Variants in ABAT observed in about 807,000 individuals in gnomAD.
ABAT encodes the protein 4-aminobutyrate aminotransferase, mitochondrial.
In ABAT, 45 loss-of-function variants were observed where a neutral mutation model predicts 64.6. The observed-to-expected ratio is 0.70, with a 90% CI of 0.55 to 0.89. The LOEUF (loss-of-function observed/expected upper bound fraction) is 0.89, where lower values mean the gene tolerates loss of function less well. Ranked by LOEUF, ABAT falls within the 40% of genes least tolerant of loss-of-function variation. The pLI is 0.00. For synonymous variants in ABAT, 297 were observed against 250.5 expected, an observed-to-expected ratio of 1.19 and a Z score of -1.75; for missense variants, 633 against 658.4, an observed-to-expected ratio of 0.96 and a Z score of 0.42.
At chr16:8,734,026 C>G (rs1378404401) in intron 1 of ABAT, among the ~76,000 whole-genome samples, 1 of 152,048 alleles carries the variant, frequency 6.6e-6, no homozygotes, top group East Asian at 1.9e-4. Flanking sequence ...TATTTTTTCC[C>G]ATTCATCTGT....
intron 1 of ABAT, among the ~76,000 whole-genome samples, chr16:8,683,996 A>C (rs953947514): frequency 6.6e-6 from 1 of 151,926 alleles, no homozygotes; most frequent in Non-Finnish European, 1.5e-5. Flanking sequence ...GGGAGAGACA[A>C]AGACTCAGCT....
chr16:8,762,364 T>C (rs2059823159), intron 6 of ABAT, among the ~76,000 whole-genome samples: 1 of 152,246 alleles, frequency 6.6e-6, no homozygotes, highest in African/African-American at 2.4e-5. Flanking sequence ...ACTGAACTCC[T>C]GCATCCTCTG....
intron 5 of ABAT, among the ~76,000 whole-genome samples, chr16:8,751,481 TA>T (rs2059480413): frequency 6.6e-6 from 1 of 151,942 alleles, no homozygotes; most frequent in Non-Finnish European, 1.5e-5. Flanking sequence ...GGGAATAAGC[TA>T]AGAAGGATGA....
intron 1 of ABAT, among the ~76,000 whole-genome samples, chr16:8,734,972 C>T (rs1243800182): frequency 6.6e-6 from 1 of 151,418 alleles, no homozygotes; most frequent in Non-Finnish European, 1.5e-5. Flanking sequence ...CTTTGGGAGG[C>T]CAAGGCAGGC....
At chr16:8,750,654 A>C (rs2059453586) in intron 5 of ABAT, 115 bp downstream of exon 5, 1 of 904,914 alleles carries the variant, frequency 1.1e-6, no homozygotes, top group South Asian at 1.3e-5. Flanking sequence ...GTGTTGCCTG[A>C]CACTTCACCC....
chr16:8,775,081 C>G (rs780120563), intron 13 of ABAT, 24 bp downstream of exon 13: 12 of 1,613,972 alleles, frequency 7.4e-6, no homozygotes, highest in Non-Finnish European at 9.3e-6. Flanking sequence ...AACCTTCTCT[C>G]TACATCCAGG....
chr16:8,721,140 G>A (rs1017006430), intron 1 of ABAT, among the ~76,000 whole-genome samples: 5 of 152,090 alleles, frequency 3.3e-5, no homozygotes, highest in Admixed American at 2.0e-4. Context: ...GAGGTTATAC[G>A]GCGGGTCAGT....
chr16:8,750,668 G>C, intron 5 of ABAT, 129 bp downstream of exon 5: 1 of 834,496 alleles, frequency 1.2e-6, no homozygotes. Flanking sequence ...TTCACCCAAG[G>C]GTAGGAAAAA....
intron 1 of ABAT, among the ~76,000 whole-genome samples, chr16:8,727,823 G>A (rs562887737): frequency 7.2e-5 from 11 of 152,230 alleles, no homozygotes; most frequent in African/African-American, 2.6e-4. Context: ...AATCCCAACC[G>A]TTTGGGAGTC....
At chr16:8,720,990 T>G (rs1203300360) in intron 1 of ABAT, 2 of 152,172 alleles carry the variant, frequency 1.3e-5, no homozygotes, top group Non-Finnish European at 2.9e-5. Context: ...GTTTATTCAA[T>G]GATTGTTTGC....
Position 8,734,276 on chromosome 16 carries a change from T to G in ABAT, c.-41-1423T>G, listed in dbSNP as rs117445782. On this transcript the variant is annotated intron_variant, in intron 1 of 15. Coordinates refer to ENST00000268251, the MANE Select transcript of ABAT (RefSeq NM_020686.6). ...AATGATGCCCTTGTTTATGTTATGA[T>G]TCATTTCATTCTCTTTGTTCCTCAT... 4.2e-3 allele frequency among the ~76,000 whole-genome samples: 646 copies of G among 152,346 alleles called. 3 individuals are homozygous for G. Among genetic ancestry groups the G allele is most frequent in the Non-Finnish European group, 7.4e-3 (503 of 68,034 alleles).
chr16:8,766,132 A>G (rs2059935479), intron 8 of ABAT, 76 bp from the exon 9 acceptor site: 1 of 1,379,476 alleles, frequency 7.2e-7, no homozygotes. Flanking sequence ...TGGACTGAAT[A>G]TCGGTTTGGT....
chr16:8,776,522 A>G lies in ABAT; in HGVS notation c.1269+32A>G, dbSNP rs768572758. 1.4e-5 allele frequency: 20 copies of G among 1,449,084 alleles called. No individual in the cohort carries two copies. Among genetic ancestry groups the G allele is most frequent in the Middle Eastern group, 2.4e-4 (1 of 4,242 alleles). The allele number at this position is 1,449,084 out of a possible 1,614,324, so 89.8% of individuals were successfully genotyped here. On this transcript the variant is annotated intron_variant, in intron 14 of 15. Transcript: ENST00000268251. This position sits in a 1 kb window ranked among gnomAD's most constrained non-coding sequence, Gnocchi z 4.4. ...CCCCCTCCCCTGCCCCGCCCCCACC[A>G]CCCATGGCTCCCCGCAGCAGCCTCC... is the stretch of plus-strand genomic sequence containing the variant.
chr16:8,681,754 G>T (rs2057339198), intron 1 of ABAT, among the ~76,000 whole-genome samples: 1 of 150,916 alleles, frequency 6.6e-6, no homozygotes, highest in South Asian at 2.1e-4. Context: ...CGATTCTCCT[G>T]CCTCAGCATC....
intron 1 of ABAT, among the ~76,000 whole-genome samples, chr16:8,729,914 A>C (rs888147102): frequency 1.3e-5 from 2 of 151,324 alleles, no homozygotes; most frequent in Non-Finnish European, 2.9e-5. Context: ...AGCCCTGTCT[A>C]GTCAACCATG....
At chr16:8,732,170 G>T (rs2058740036) in intron 1 of ABAT, among the ~76,000 whole-genome samples, 1 of 150,394 alleles carries the variant, frequency 6.6e-6, no homozygotes, top group African/African-American at 2.4e-5. Flanking sequence ...CTGTTTCTAG[G>T]AGGTTGACTA....
chr16:8,716,952 A>G (rs114461812), intron 1 of ABAT, among the ~76,000 whole-genome samples: 1,626 of 152,284 alleles, frequency 0.011, 26 homozygotes, highest in African/African-American at 0.037. Flanking sequence ...GATTTTGAAG[A>G]CTTAGCACAC....
At chr16:8,748,221 CT>C in intron 4 of ABAT, 84 bp downstream of exon 4, 1 of 1,316,112 alleles carries the variant, frequency 7.6e-7, no homozygotes, top group Non-Finnish European at 1.1e-6. Flanking sequence ...TGTTCTGGCT[CT>C]TTTTTAAAAA....
chr16:8,763,790 G>T lies in ABAT; in HGVS notation c.367-279G>T, dbSNP rs529532083. Reference sequence around the variant, plus strand: ...AACCAGTACAAAGAGCCCCATGTACGCTTCGCTCAGTTTTCCCCAGCGGCA... The same window carrying T: ...AACCAGTACAAAGAGCCCCATGTACTCTTCGCTCAGTTTTCCCCAGCGGCA... On this transcript the variant is annotated intron_variant, in intron 6 of 15. Coordinates refer to ENST00000268251, the MANE Select transcript of ABAT (RefSeq NM_020686.6). 2.0e-5 allele frequency among the ~76,000 whole-genome samples: 3 copies of T among 152,312 alleles called. No homozygotes were observed. In the East Asian group the frequency reaches 5.8e-4, roughly 29 times the overall value.
Sources: gnomAD v4.1 joint callset for allele counts (sites outside exome capture counted in the v4.1 genomes callset) on GRCh38, gnomAD v4.1.1 for gene constraint, Gnocchi (gnomAD v3.1) non-coding constraint, MANE v1.5 for transcripts, NCBI Gene and HGNC (gene_info 2026-07-23, HGNC 2026-07-21) for gene names.